The following EWSR1 variants were observed in gnomAD, a reference collection of about 807,000 sequenced individuals.
EWSR1 encodes RNA-binding protein EWS.
EWSR1 carries 14 observed loss-of-function variants against 92.1 expected under a neutral mutation model. The observed-to-expected ratio is 0.15, with a 90% CI of 0.10 to 0.24. The LOEUF (loss-of-function observed/expected upper bound fraction) is 0.24. Among genes scored for constraint, EWSR1 ranks in the 10% least tolerant of loss-of-function variants. The pLI, the probability that EWSR1 is intolerant of heterozygous loss-of-function variation, is 1.00. For missense variants in EWSR1, 637 were observed against 870.9 expected (o/e 0.73, Z 3.38); for synonymous variants, 303 against 292.9 (o/e 1.03, Z -0.35).
chr22:29,281,574 G>C (rs567672747), intron 5 of EWSR1, among the ~76,000 whole-genome samples: 1 of 152,180 alleles, frequency 6.6e-6, no homozygotes, highest in African/African-American at 2.4e-5. Context: ...CAAAGTGCTG[G>C]GATTTTTTTT....
chr22:29,283,107 C>CT (rs1003927025), intron 6 of EWSR1, among the ~76,000 whole-genome samples: 1 of 152,170 alleles, frequency 6.6e-6, no homozygotes, highest in Non-Finnish European at 1.5e-5. Flanking sequence ...TTTTACCACT[C>CT]TAAGTTCTTT....
At chr22:29,283,694 AT>A (rs131183) in intron 6 of EWSR1, among the ~76,000 whole-genome samples, 65,118 of 147,428 alleles carry the variant, frequency 0.44, 14,886 homozygotes, top group Admixed American at 0.53. Context: ...CCTGGCAAAA[AT>A]TTTTTTTTTT....
At chr22:29,273,927 T>G in intron 4 of EWSR1, 63 bp downstream of exon 4, 1 of 1,595,634 alleles carries the variant, frequency 6.3e-7, no homozygotes, top group Non-Finnish European at 8.5e-7. Context: ...AAGAAGCTTA[T>G]TAGTCATGCT....
intron 12 of EWSR1, 42 bp downstream of exon 12, chr22:29,296,410 G>T: frequency 6.2e-7 from 1 of 1,608,446 alleles, no homozygotes; most frequent in South Asian, 1.1e-5. Flanking sequence ...CCTGGCTATA[G>T]AATATGGCAT....
At chr22:29,279,871 G>A (rs1323290954) in intron 5 of EWSR1, among the ~76,000 whole-genome samples, 2 of 152,196 alleles carry the variant, frequency 1.3e-5, no homozygotes, top group Non-Finnish European at 2.9e-5. Context: ...TGATGCAACA[G>A]TATATCCAAG....
intron 4 of EWSR1, chr22:29,274,262 C>T: frequency 6.2e-7 from 1 of 1,613,834 alleles, no homozygotes; most frequent in South Asian, 1.1e-5. Flanking sequence ...GTGCTTTCCA[C>T]AGTAGAAGGG....
rs969268250 is a variant in EWSR1 at position 29,300,375 on chromosome 22, G to GTTGT, written c.*217_*220dup. ...TTTTTTCTTCCTTCTTTTAAAAATG[G>GTTGT]TTGTTTAAGACTTTAACAATGGGAA... On this transcript the variant is annotated 3_prime_UTR_variant, in exon 17 of 17. Transcript: ENST00000397938. The GTTGT allele has an allele frequency of 1.4e-5, 7 of 512,496 alleles. No homozygotes were observed. The highest frequency in any genetic ancestry group is 4.0e-5 in the African/African-American group (2 of 50,056). 31.7% of individuals were successfully genotyped at this position (512,496 alleles called of 1,614,324 possible). A position where few individuals can be genotyped will look rare whatever the true frequency, so the allele number is the denominator to read the frequency against.
chr22:29,287,228 G>A, intron 7 of EWSR1, 94 bp downstream of exon 7: 1 of 1,272,890 alleles, frequency 7.9e-7, no homozygotes, highest in Non-Finnish European at 1.1e-6. Flanking sequence ...TTTCTTTTGA[G>A]ATGGAGTTTC....
At chr22:29,296,929 G>GT (rs1251432910) in intron 12 of EWSR1, among the ~76,000 whole-genome samples, 7 of 152,132 alleles carry the variant, frequency 4.6e-5, no homozygotes, top group Admixed American at 4.6e-4. Context: ...TATACCTATA[G>GT]TACCAGCCAC....
At chr22:29,293,357 A>AT (rs1032312388) in intron 11 of EWSR1, among the ~76,000 whole-genome samples, 5 of 152,052 alleles carry the variant, frequency 3.3e-5, no homozygotes, top group Middle Eastern at 3.4e-3. Flanking sequence ...AGTAACGCAG[A>AT]TTTTTTCTTC....
intron 6 of EWSR1, among the ~76,000 whole-genome samples, chr22:29,285,466 TATTA>T (rs912146037): frequency 4.6e-5 from 7 of 151,354 alleles, no homozygotes; most frequent in Non-Finnish European, 8.8e-5. Context: ...AGAATGTATC[TATTA>T]ATTTCTCCCA....
intron 11 of EWSR1, among the ~76,000 whole-genome samples, chr22:29,293,922 G>A (rs767313012): frequency 6.6e-5 from 10 of 151,962 alleles, no homozygotes; most frequent in East Asian, 1.9e-4. Context: ...TCCTTCACCC[G>A]GCTGGATTGC....
Position 29,282,513 on chromosome 22 carries a change from C to A in EWSR1, c.537C>A (p.Tyr179Ter). The A allele has an allele frequency of 6.4e-7, 1 of 1,551,978 alleles. No homozygotes were observed. Among genetic ancestry groups the A allele is most frequent in the Non-Finnish European group, 8.6e-7 (1 of 1,156,714 alleles). The change falls in exon 6 of 17, where the codon TAC (tyrosine) becomes TAA (stop). Residue 179 changes from tyrosine to a stop codon, truncating the protein, a stop_gained. Coordinates refer to ENST00000397938, the MANE Select transcript of EWSR1 (RefSeq NM_005243.4). LOFTEE classifies it high-confidence loss of function. The part of the protein sequence containing the change: ...NYSYPQVPGS[Y>*]PMQPVTAPPS... ...GTTATCCCCAGGTACCTGGGAGCTA[C>A]CCCATGCAGCCAGTCACTGCACCTC...
intron 4 of EWSR1, among the ~76,000 whole-genome samples, chr22:29,274,098 T>A (rs898855280): frequency 6.6e-6 from 1 of 152,220 alleles, no homozygotes; most frequent in African/African-American, 2.4e-5. Context: ...TTTAACTGTT[T>A]GAATAATCTC....
At chr22:29,295,800 G>A (rs1461728536) in intron 11 of EWSR1, 3 of 227,942 alleles carry the variant, frequency 1.3e-5, no homozygotes, top group Non-Finnish European at 2.6e-5. Flanking sequence ...GGCTGTGTTA[G>A]ACTAACCAAG....
intron 11 of EWSR1, among the ~76,000 whole-genome samples, chr22:29,292,810 G>T (rs2060541318): frequency 6.8e-6 from 1 of 146,104 alleles, no homozygotes; most frequent in South Asian, 2.2e-4. Context: ...TGGTGCCCAG[G>T]CTGGAGTGCA....
At chr22:29,269,022 G>T (rs1205238059) in intron 1 of EWSR1, among the ~76,000 whole-genome samples, 4 of 152,084 alleles carry the variant, frequency 2.6e-5, no homozygotes, top group Non-Finnish European at 4.4e-5. Flanking sequence ...GCTTTCTTGG[G>T]CTTCTCCATT....
At chr22:29,290,069 C>T in intron 8 of EWSR1, 1 of 247,978 alleles carries the variant, frequency 4.0e-6, no homozygotes, top group Middle Eastern at 1.2e-3. Context: ...TTTAAATACT[C>T]CAGAAGTTAT....
chr22:29,280,862 G>GTTTTTT lies in EWSR1; in HGVS notation c.414-1496_414-1491dup, dbSNP rs71196650. Among the ~76,000 whole-genome samples, 23 of 62,898 alleles carry GTTTTTT rather than the reference G, an allele frequency of 3.7e-4. 8 individuals are homozygous for GTTTTTT. The highest frequency in any genetic ancestry group is 1.1e-3 in the South Asian group (2 of 1,812). The allele number at this position is 62,898 out of a possible 152,430, so 41.3% of individuals were successfully genotyped here. On this transcript the variant is annotated intron_variant, in intron 5 of 16. Coordinates refer to ENST00000397938, the MANE Select transcript of EWSR1 (RefSeq NM_005243.4). ...CTAATTTTGTGTGTGTGTGTGTGTT[G>GTTTTTT]TTTTTTTTTTTTTTTTTTTTTTTTT...
Sources: gnomAD v4.1 joint callset for allele counts (sites outside exome capture counted in the v4.1 genomes callset) on GRCh38, gnomAD v4.1.1 for gene constraint, MANE v1.5 for transcripts, NCBI Gene and HGNC (gene_info 2026-07-23, HGNC 2026-07-21) for gene names.